Variants in PFKFB3 observed in about 807,000 individuals in gnomAD.
The protein encoded by PFKFB3 is 6-phosphofructo-2-kinase/fructose-2,6-biphosphatase 3.
In PFKFB3, 33 loss-of-function variants were observed where a neutral mutation model predicts 68.0. That is an observed-to-expected ratio of 0.49 (90% confidence interval 0.37 to 0.65). PFKFB3 has a LOEUF of 0.65. PFKFB3 is among the 30% of genes least tolerant of loss of function. PFKFB3 has a pLI of 0.00. For missense variants in PFKFB3, 586 were observed against 712.2 expected, an observed-to-expected ratio of 0.82 and a Z score of 2.02; for synonymous variants, 315 against 288.2, an observed-to-expected ratio of 1.09 and a Z score of -0.94.
At chr10:6,308,794 G>A in the PFKFB3 span, among the ~76,000 whole-genome samples, 2 of 152,142 alleles carry the variant, frequency 1.3e-5, no homozygotes. Flanking sequence ...TTACCTTCTT[G>A]ATCAGTGTAA....
the PFKFB3 span, among the ~76,000 whole-genome samples, chr10:6,302,988 A>C: frequency 2.0e-5 from 3 of 152,258 alleles, no homozygotes; most frequent in Non-Finnish European, 4.4e-5. Flanking sequence ...TTGTGAGATA[A>C]CACAGGAGCG....
At chr10:6,171,334 C>T (rs915382975) in intron 1 of PFKFB3, among the ~76,000 whole-genome samples, 12 of 152,046 alleles carry the variant, frequency 7.9e-5, no homozygotes, top group East Asian at 7.7e-4. Context: ...GGATTACAGA[C>T]GTAAGCCACC....
intron 1 of PFKFB3, among the ~76,000 whole-genome samples, chr10:6,190,131 A>G (rs1842983975): frequency 6.6e-6 from 1 of 151,546 alleles, no homozygotes; most frequent in Non-Finnish European, 1.5e-5. Context: ...TTTAGTGGAG[A>G]TGGAGTTTCA....
chr10:6,222,753 G>T, intron 10 of PFKFB3, 102 bp from the exon 11 acceptor site: 2 of 1,287,916 alleles, frequency 1.6e-6, no homozygotes, highest in South Asian at 1.5e-5. Context: ...ATGGATGATT[G>T]ATTTTGCGTG....
intron 1 of PFKFB3, among the ~76,000 whole-genome samples, chr10:6,184,249 C>T (rs537024035): frequency 5.3e-5 from 8 of 151,780 alleles, no homozygotes; most frequent in South Asian, 2.1e-4. Context: ...GACGGGGTTT[C>T]GCCATGTTGT....
the PFKFB3 span, among the ~76,000 whole-genome samples, chr10:6,259,675 A>G: frequency 1.3e-5 from 2 of 152,186 alleles, no homozygotes; most frequent in South Asian, 4.1e-4. Context: ...TCTAGTAATT[A>G]TTGAGTGACT....
At chr10:6,197,672 T>C (rs2131839135) in intron 1 of PFKFB3, 1 of 152,286 alleles carries the variant, frequency 6.6e-6, no homozygotes, top group East Asian at 1.9e-4. Flanking sequence ...ATTCCTTAAG[T>C]GGAAGTGAAT....
Position 6,219,567 on chromosome 10 carries a change from A to G in PFKFB3, c.499-2A>G. On this transcript the variant is annotated splice_acceptor_variant, in intron 6 of 14. Coordinates refer to ENST00000379775, the MANE Select transcript of PFKFB3 (RefSeq NM_004566.4). LOFTEE classifies it high-confidence loss of function. ...ATCAGCCACCCCTTTGTGGTGTTGC[A>G]GGAAGTTAAAATCTCCAGCCCGGAT... 6.2e-7 allele frequency: 1 copy of G among 1,614,010 alleles called. No individual in the cohort carries two copies. Among genetic ancestry groups the G allele is most frequent in the Non-Finnish European group, 8.5e-7 (1 of 1,179,916 alleles).
the PFKFB3 span, among the ~76,000 whole-genome samples, chr10:6,278,850 A>G: frequency 1.4e-5 from 2 of 144,410 alleles, no homozygotes; most frequent in African/African-American, 5.1e-5. Context: ...GGTGGGTGGT[A>G]AAATCATAGG....
intron 1 of PFKFB3, among the ~76,000 whole-genome samples, chr10:6,170,873 AAAAAG>A (rs923768459): frequency 6.6e-6 from 1 of 152,212 alleles, no homozygotes; most frequent in African/African-American, 2.4e-5. Context: ...AGGTTAAAAA[AAAAAG>A]AAAAGCTCAG....
Position 6,224,023 on chromosome 10 carries a change from G to T in PFKFB3, c.1276+3G>T. The T allele has an allele frequency of 6.2e-7, 1 of 1,614,200 alleles. No homozygotes were observed. The highest frequency in any genetic ancestry group is 8.5e-7 in the Non-Finnish European group (1 of 1,179,998). On this transcript the variant is annotated splice_donor_region_variant and intron_variant, in intron 12 of 14. Coordinates refer to ENST00000379775, the MANE Select transcript of PFKFB3 (RefSeq NM_004566.4). ...GAAACTGACGCCTGTCGCTTATGGT[G>T]AGTAGCAACCCCTGCCAAGCCCTGT...
At chr10:6,308,458 A>T in the PFKFB3 span, among the ~76,000 whole-genome samples, 1 of 152,132 alleles carries the variant, frequency 6.6e-6, no homozygotes, top group Non-Finnish European at 1.5e-5. Flanking sequence ...AGAGGTTGCA[A>T]TGAGCCAAGA....
At chr10:6,190,207 G>A (rs1564608342) in intron 1 of PFKFB3, among the ~76,000 whole-genome samples, 1 of 152,148 alleles carries the variant, frequency 6.6e-6, no homozygotes. Flanking sequence ...GCCTCTCAAA[G>A]TGCTGAGATT....
In PFKFB3 at chr10:6,213,781, C is replaced by G. The variant is rs12412134; in HGVS notation, c.202+33C>G. On this transcript the variant is annotated intron_variant, in intron 2 of 14. Coordinates refer to ENST00000379775, the MANE Select transcript of PFKFB3 (RefSeq NM_004566.4). ...TGGGTCTCGAGGCCGGACCCCTGCT[C>G]GTGCAAAAACTTGACCTTCCATCTC... The G allele has an allele frequency of 6.8e-3, 10,887 of 1,600,596 alleles. 742 individuals carry two copies. In the Admixed American group the frequency reaches 0.14, roughly 21 times the overall value.
chr10:6,221,492 T>C lies in PFKFB3; in HGVS notation c.943T>C (p.Tyr315His). 6.2e-7 allele frequency: 1 copy of C among 1,613,490 alleles called. No individual in the cohort carries two copies. Among genetic ancestry groups the C allele is most frequent in the Non-Finnish European group, 8.5e-7 (1 of 1,180,000 alleles). The change falls in exon 9 of 15, where the codon TAC becomes CAC. Residue 315 changes from tyrosine to histidine, a missense_variant. Physicochemically the swap from Tyr to His is moderately conservative, Grantham distance 83. Transcript: ENST00000379775. ...IQTAEALRLP[Y>H]EQWKALNEID... is the part of the protein sequence containing the mutation. ...GACGGCCGAGGCGCTGCGGCTGCCCTACGAGCAGTGGAAGGCGCTCAATGA... is the reference window on the plus strand; with the variant it reads ...GACGGCCGAGGCGCTGCGGCTGCCCCACGAGCAGTGGAAGGCGCTCAATGA...
chr10:6,166,564 A>G (rs1842145436), intron 1 of PFKFB3, among the ~76,000 whole-genome samples: 1 of 152,062 alleles, frequency 6.6e-6, no homozygotes, highest in Admixed American at 6.6e-5. Flanking sequence ...GAGCTTTGTC[A>G]TTGTCTACCT....
At chr10:6,174,545 G>A (rs1370132869) in intron 1 of PFKFB3, among the ~76,000 whole-genome samples, 1 of 152,214 alleles carries the variant, frequency 6.6e-6, no homozygotes, top group Non-Finnish European at 1.5e-5. Flanking sequence ...GAGAAAGCCA[G>A]GAGCTGGGGC....
At chr10:6,313,300 T>C in the PFKFB3 span, among the ~76,000 whole-genome samples, 1 of 152,212 alleles carries the variant, frequency 6.6e-6, no homozygotes, top group Non-Finnish European at 1.5e-5. This position sits in a 1 kb window ranked among gnomAD's most constrained non-coding sequence, Gnocchi z 4.2. Context: ...AAAAGGAAAA[T>C]GCTACAATCA....
At chr10:6,256,243 T>A (rs1846493199), downstream of PFKFB3, among the ~76,000 whole-genome samples, 1 of 152,168 alleles carries the variant, frequency 6.6e-6, no homozygotes, top group African/African-American at 2.4e-5. Flanking sequence ...GGTGGCTTGA[T>A]GTAGTACTCC....
Sources: gnomAD v4.1 joint callset for allele counts (sites outside exome capture counted in the v4.1 genomes callset) on GRCh38, gnomAD v4.1.1 for gene constraint, Gnocchi (gnomAD v3.1) non-coding constraint, MANE v1.5 for transcripts, NCBI Gene and HGNC (gene_info 2026-07-23, HGNC 2026-07-21) for gene names.